CDC40: variants seen among roughly 807,000 people sequenced by gnomAD.
The protein encoded by CDC40 is cell division cycle 40.
A neutral mutation model predicts 80.6 loss-of-function variants in CDC40; 27 were observed. The ratio of observed to expected loss-of-function variants is 0.33; its 90% CI spans 0.25 to 0.46. The LOEUF is 0.46. Ranked by LOEUF, CDC40 falls within the 20% of genes least tolerant of loss-of-function variation. The pLI is 1.00. For missense variants in CDC40, 486 were observed against 694.1 expected (o/e 0.70, Z 3.37); for synonymous variants, 221 against 232.6 (o/e 0.95, Z 0.45).
intron 12 of CDC40, among the ~76,000 whole-genome samples, chr6:110,220,687 C>T (rs181227979): frequency 5.6e-4 from 85 of 152,138 alleles, no homozygotes; most frequent in East Asian, 2.3e-3. Context: ...CCTTATGATC[C>T]GCCCACCTTG....
rs1490420860 is a variant in CDC40, at chr6:110,228,834, A to G, written c.1420A>G (p.Lys474Glu). ...MPAVTLSPNG[K>E]WLACQSMDNQ... ...TACCTCATTTATTGAATTTACAGGA[A>G]AATGGCTAGCATGCCAATCAATGGA... Residue 474 changes from lysine to glutamate, a missense_variant and splice_region_variant, in exon 14 of 15, where the codon AAA becomes GAA. By Grantham distance (56) the Lys-to-Glu change is moderately conservative. Coordinates refer to ENST00000307731, the MANE Select transcript of CDC40 (RefSeq NM_015891.3). 1 of 1,575,026 alleles carries G rather than the reference A, an allele frequency of 6.3e-7. No homozygotes were observed. Among genetic ancestry groups the G allele is most frequent in the Non-Finnish European group, 8.6e-7 (1 of 1,169,116 alleles).
chr6:110,209,062 A>ATTTTTT, intron 4 of CDC40, 22 bp from the exon 5 acceptor site: 1 of 1,319,052 alleles, frequency 7.6e-7, no homozygotes, highest in Non-Finnish European at 1.0e-6. Flanking sequence ...TTTTTTTTTT[A>ATTTTTT]ATTTTTTTTT....
chr6:110,208,895 T>C (rs1380861522), intron 4 of CDC40, among the ~76,000 whole-genome samples, 189 bp from the exon 5 acceptor site: 1 of 152,178 alleles, frequency 6.6e-6, no homozygotes, highest in Non-Finnish European at 1.5e-5. Context: ...GAATCCCTTT[T>C]TCTGTAGCAT....
chr6:110,216,107 G>A (rs568364194), intron 9 of CDC40, among the ~76,000 whole-genome samples: 3 of 152,244 alleles, frequency 2.0e-5, no homozygotes, highest in East Asian at 1.9e-4. Flanking sequence ...GCCAGAGGTC[G>A]AGCTTTGAAG....
chr6:110,190,898 A>G (rs1455600895), intron 1 of CDC40, among the ~76,000 whole-genome samples: 4 of 152,044 alleles, frequency 2.6e-5, no homozygotes, highest in East Asian at 3.9e-4. Flanking sequence ...ATCTCCCCCA[A>G]CCCTTCCTCG....
At chr6:110,226,025 C>G (rs978353344) in intron 12 of CDC40, 142 bp from the exon 13 acceptor site, 5 of 587,032 alleles carry the variant, frequency 8.5e-6, no homozygotes, top group Non-Finnish European at 1.5e-5. Context: ...TTTTCTTCTT[C>G]CAGAAAGTTT....
intron 2 of CDC40, among the ~76,000 whole-genome samples, chr6:110,196,965 T>C (rs761352571): frequency 3.3e-5 from 5 of 152,224 alleles, no homozygotes; most frequent in Non-Finnish European, 5.9e-5. Context: ...TAATTTGGGT[T>C]ATTTTTCTTT....
intron 1 of CDC40, among the ~76,000 whole-genome samples, chr6:110,189,394 G>C (rs182969397): frequency 1.3e-5 from 2 of 152,174 alleles, no homozygotes; most frequent in African/African-American, 4.8e-5. Flanking sequence ...CTGGCACATA[G>C]TAGGCACACA....
intron 12 of CDC40, among the ~76,000 whole-genome samples, chr6:110,220,362 A>C (rs1188194565): frequency 6.6e-6 from 1 of 152,080 alleles, no homozygotes; most frequent in Non-Finnish European, 1.5e-5. Context: ...AAGACTGGGC[A>C]ATTTACAAAA....
intron 1 of CDC40, among the ~76,000 whole-genome samples, chr6:110,187,352 C>T (rs767659131): frequency 3.3e-5 from 5 of 152,162 alleles, no homozygotes; most frequent in African/African-American, 4.8e-5. Context: ...TTACTTCCCC[C>T]GAATGTATTC....
intron 12 of CDC40, 98 bp downstream of exon 12, chr6:110,219,967 A>G (rs1777747453): frequency 7.7e-7 from 1 of 1,305,758 alleles, no homozygotes; most frequent in African/African-American, 1.5e-5. Context: ...CCATTTGAAT[A>G]TTTTTTGCAA....
chr6:110,213,586 A>C (rs916399453), intron 8 of CDC40, among the ~76,000 whole-genome samples: 3 of 152,068 alleles, frequency 2.0e-5, no homozygotes, highest in Non-Finnish European at 4.4e-5. Flanking sequence ...TGAGAATGTA[A>C]TCCAATCATT....
chr6:110,210,552 G>GA (rs57785109), intron 5 of CDC40, among the ~76,000 whole-genome samples, 155 bp from the exon 6 acceptor site: 804 of 64,376 alleles, frequency 0.012, 7 homozygotes, highest in Middle Eastern at 0.04. Flanking sequence ...ACTCATCTCA[G>GA]AAAAAAAAAA....
At chr6:110,213,387 G>GTTTTTTTT (rs925612659) in intron 8 of CDC40, among the ~76,000 whole-genome samples, 1 of 147,322 alleles carries the variant, frequency 6.8e-6, no homozygotes, top group African/African-American at 2.5e-5. Flanking sequence ...TTTGTTTTTT[G>GTTTTTTTT]TTTTTTTGTT....
At chr6:110,193,704 C>T (rs117988526) in intron 2 of CDC40, among the ~76,000 whole-genome samples, 4,885 of 152,224 alleles carry the variant, frequency 0.032, 146 homozygotes, top group South Asian at 0.12. Context: ...TGCGCCCAGC[C>T]GAAAATACAT....
In CDC40 at chr6:110,213,096, C is replaced by A; in HGVS notation, c.878C>A (p.Ala293Glu). 1 of 1,605,728 alleles carries A rather than the reference C, an allele frequency of 6.2e-7. No individual in the cohort carries two copies. Among genetic ancestry groups the A allele is most frequent in the Non-Finnish European group, 8.5e-7 (1 of 1,172,346 alleles). ...VWSGHTKGVS[A>E]VRLFPLSGHL... is the part of the protein sequence containing the mutation. The stretch of plus-strand genomic sequence containing the variant: ...AATACCTTTTTATAGGGCGTCAGTG[C>A]AGTCAGATTGTTTCCTCTCTCTGGC... The change falls in exon 8 of 15, where the codon GCA becomes GAA. Residue 293 changes from alanine (A) to glutamate (E), a missense_variant. Physicochemically the swap from Ala to Glu is moderately radical, Grantham distance 107 (BLOSUM62 -1). Coordinates refer to ENST00000307731, the MANE Select transcript of CDC40 (RefSeq NM_015891.3).
chr6:110,188,532 C>T (rs1431280537), intron 1 of CDC40, among the ~76,000 whole-genome samples: 2 of 152,094 alleles, frequency 1.3e-5, no homozygotes, highest in African/African-American at 4.8e-5. Flanking sequence ...TCTTAAGGGT[C>T]TTAATTTGAA....
chr6:110,194,329 C>G (rs374127027), intron 2 of CDC40, among the ~76,000 whole-genome samples: 1 of 152,244 alleles, frequency 6.6e-6, no homozygotes, highest in East Asian at 1.9e-4. Context: ...CTTATGGTAT[C>G]TTGGGGGAAA....
chr6:110,201,563 A>G lies in CDC40; in HGVS notation c.282A>G (p.Gly94=), dbSNP rs1420701599. Reference sequence around the variant, plus strand: ...TTTTTCTTGTAACATTGCAGTTTGGACCAGAAAATCCCTTTAGGACACAGC... The same window carrying G: ...TTTTTCTTGTAACATTGCAGTTTGGGCCAGAAAATCCCTTTAGGACACAGC... ...TYETMFAPEF[G]PENPFRTQQM... is the part of the protein sequence containing the mutation. Residue 94 remains glycine, a synonymous_variant, in exon 3 of 15, where the codon GGA becomes GGG. Transcript: ENST00000307731. 2.5e-6 allele frequency: 4 copies of G among 1,598,812 alleles called. No homozygotes were observed. In the East Asian group the frequency reaches 6.7e-5, roughly 27 times the overall value.
Sources: gnomAD v4.1 joint callset for allele counts (sites outside exome capture counted in the v4.1 genomes callset) on GRCh38, gnomAD v4.1.1 for gene constraint, MANE v1.5 for transcripts, NCBI Gene and HGNC (gene_info 2026-07-23, HGNC 2026-07-21) for gene names.